Variants in KLF7 observed in about 807,000 individuals in gnomAD.
The protein encoded by KLF7 is Krueppel-like factor 7.
KLF7 carries 2 observed loss-of-function variants against 27.3 expected under a neutral mutation model. That is an observed-to-expected ratio of 0.07 (90% confidence interval 0.03 to 0.23). The LOEUF (loss-of-function observed/expected upper bound fraction) is 0.23. Among genes scored for constraint, KLF7 ranks in the 10% least tolerant of loss-of-function variants. The probability of loss-of-function intolerance (pLI) is 1.00; values close to 1 mark genes in which losing one functional copy is unlikely to be tolerated. For synonymous variants in KLF7, 165 were observed against 162.4 expected, an observed-to-expected ratio of 1.02 and a Z score of -0.12; for missense variants, 221 against 394.1, an observed-to-expected ratio of 0.56 and a Z score of 3.72.
At chr2:207,127,555 T>C (rs56003417) in intron 1 of KLF7, among the ~76,000 whole-genome samples, 2,292 of 152,288 alleles carry the variant, frequency 0.015, 63 homozygotes, top group African/African-American at 0.053. Flanking sequence ...GAAATGTCCA[T>C]GACAGGCCGG....
intron 1 of KLF7, among the ~76,000 whole-genome samples, chr2:207,126,456 G>A (rs184276047): frequency 9.7e-4 from 148 of 152,198 alleles, no homozygotes; most frequent in African/African-American, 3.5e-3. Context: ...AGCCATCTTT[G>A]AAACCCTACC....
intron 2 of KLF7, among the ~76,000 whole-genome samples, chr2:207,099,914 G>A (rs947715261): frequency 6.6e-6 from 1 of 152,138 alleles, no homozygotes; most frequent in African/African-American, 2.4e-5. Flanking sequence ...CAGATCACCT[G>A]AGCCCAGGAG....
At chr2:207,111,699 TCTCA>T (rs2077042658) in intron 2 of KLF7, among the ~76,000 whole-genome samples, 1 of 152,162 alleles carries the variant, frequency 6.6e-6, no homozygotes, top group East Asian at 1.9e-4. Context: ...ATGCCTGCAC[TCTCA>T]CTATTGTTTT....
At chr2:207,102,587 T>C (rs186312827) in intron 2 of KLF7, among the ~76,000 whole-genome samples, 1 of 152,320 alleles carries the variant, frequency 6.6e-6, no homozygotes, top group African/African-American at 2.4e-5. Context: ...GCAATTATTT[T>C]GATCTTGCAA....
chr2:207,155,851 G>T (rs778370560), intron 1 of KLF7, among the ~76,000 whole-genome samples: 1 of 152,198 alleles, frequency 6.6e-6, no homozygotes, highest in Non-Finnish European at 1.5e-5. Flanking sequence ...AAGGCAGGGG[G>T]TGTTGGGGTG....
intron 1 of KLF7, among the ~76,000 whole-genome samples, chr2:207,148,043 C>T (rs572021004): frequency 1.1e-4 from 17 of 152,142 alleles, no homozygotes; most frequent in Admixed American, 9.1e-4. Context: ...CTTAAAAGTA[C>T]ATAAATATTT....
chr2:207,152,971 C>T (rs935613329), intron 1 of KLF7, among the ~76,000 whole-genome samples: 2 of 151,966 alleles, frequency 1.3e-5, no homozygotes, highest in Non-Finnish European at 2.9e-5. Context: ...ATATGCATGC[C>T]GGCCAAATAA....
intron 1 of KLF7, among the ~76,000 whole-genome samples, chr2:207,142,383 AAC>A (rs1254895626): frequency 6.6e-6 from 1 of 152,176 alleles, no homozygotes; most frequent in Non-Finnish European, 1.5e-5. Flanking sequence ...AAATTAATTC[AAC>A]AGTTATTTAC....
In KLF7 at chr2:207,145,386, C is replaced by T. The variant is rs79545486; in HGVS notation, c.102+20081G>A. ...CAATAATACATCTATTCAACACTGG[C>T]AATATACCTACTATATAAAGTATGA... is the stretch of plus-strand genomic sequence containing the variant. On this transcript the variant is annotated intron_variant, in intron 1 of 3. Transcript: ENST00000309446. Among the ~76,000 whole-genome samples the T allele has an allele frequency of 9.3e-3, 1,422 of 152,216 alleles. 9 individuals carry two copies. The highest frequency in any genetic ancestry group is 0.016 in the Non-Finnish European group (1,097 of 68,008).
intron 3 of KLF7, among the ~76,000 whole-genome samples, chr2:207,082,009 G>C (rs1023665882): frequency 6.6e-6 from 1 of 152,032 alleles, no homozygotes; most frequent in Admixed American, 6.5e-5. Context: ...TGTGTTGGGG[G>C]CAGAAAGGAG....
intron 1 of KLF7, among the ~76,000 whole-genome samples, chr2:207,165,240 G>A (rs1347730198): frequency 1.3e-5 from 2 of 152,182 alleles, no homozygotes; most frequent in East Asian, 1.9e-4. Context: ...CTGAAACGCA[G>A]GCAGCTCGCA....
chr2:207,171,651 A>G (rs2078786706), upstream of KLF7, among the ~76,000 whole-genome samples: 1 of 152,238 alleles, frequency 6.6e-6, no homozygotes, highest in African/African-American at 2.4e-5. Flanking sequence ...CAGGAAAAAG[A>G]TTATGACTTG....
At chr2:207,105,917 G>A (rs2076873256) in intron 2 of KLF7, among the ~76,000 whole-genome samples, 1 of 152,112 alleles carries the variant, frequency 6.6e-6, no homozygotes. Flanking sequence ...TGTAAAATAC[G>A]CACCAGATTT....
Position 207,124,935 on chromosome 2 carries a change from C to CAGCA in KLF7, c.103-535_103-532dup, listed in dbSNP as rs369230802. ...GGTGACCTCAGTAACAATCAAACAA[C>CAGCA]AGCAAGCCCTGCCTTGGGGATGGAT... On this transcript the variant is annotated intron_variant, in intron 1 of 3. Coordinates refer to ENST00000309446, the MANE Select transcript of KLF7 (RefSeq NM_003709.4). 5.2e-3 allele frequency among the ~76,000 whole-genome samples: 792 copies of CAGCA among 152,326 alleles called. 13 individuals are homozygous for CAGCA. Among genetic ancestry groups the CAGCA allele is most frequent in the African/African-American group, 0.018 (767 of 41,578 alleles).
At chr2:207,158,218 G>C (rs3791996) in intron 1 of KLF7, among the ~76,000 whole-genome samples, 23,173 of 152,040 alleles carry the variant, frequency 0.15, 2,105 homozygotes, top group Admixed American at 0.24. Flanking sequence ...GTAGGGAAGG[G>C]CAAAAAGTAA....
At position 207,094,362 on chromosome 2, in the gene KLF7, A is replaced by G. The variant is rs2076578873; in HGVS notation, c.734-5781T>C. On this transcript the variant is annotated intron_variant, in intron 2 of 3. Transcript: ENST00000309446. ...TTTACCTGTTTCCTTTTATTTATTT[A>G]TTTTTTTAATGTGGTTCTAGACATT... 2.0e-5 allele frequency among the ~76,000 whole-genome samples: 3 copies of G among 152,012 alleles called. No individual in the cohort carries two copies. In the South Asian group the frequency reaches 6.2e-4, roughly 32 times the overall value.
chr2:207,138,331 T>C (rs2077846582), intron 1 of KLF7, among the ~76,000 whole-genome samples: 1 of 152,188 alleles, frequency 6.6e-6, no homozygotes, highest in South Asian at 2.1e-4. Flanking sequence ...CAAATTAAGT[T>C]TTAAAACACC....
upstream of KLF7, among the ~76,000 whole-genome samples, chr2:207,168,298 CATTT>C (rs2078758504): frequency 6.6e-6 from 1 of 152,082 alleles, no homozygotes; most frequent in Admixed American, 6.5e-5. Flanking sequence ...TAATAGTTCC[CATTT>C]ATTAAGCACT....
chr2:207,086,185 A>G (rs2076384231), intron 3 of KLF7, among the ~76,000 whole-genome samples: 1 of 152,194 alleles, frequency 6.6e-6, no homozygotes, highest in Admixed American at 6.5e-5. Context: ...TGCGGTACCA[A>G]CAGGATGCCA....
Sources: gnomAD v4.1 joint callset for allele counts (sites outside exome capture counted in the v4.1 genomes callset) on GRCh38, gnomAD v4.1.1 for gene constraint, MANE v1.5 for transcripts, NCBI Gene and HGNC (gene_info 2026-07-23, HGNC 2026-07-21) for gene names.